Variants in GMNN observed in about 807,000 individuals in gnomAD.
GMNN encodes geminin DNA replication inhibitor, also known as geminin.
A neutral mutation model predicts 20.9 loss-of-function variants in GMNN; 14 were observed. That is an observed-to-expected ratio of 0.67 (90% CI 0.44 to 1.05). The LOEUF (loss-of-function observed/expected upper bound fraction) is 1.05. Among genes scored for constraint, GMNN ranks in the 50% least tolerant of loss-of-function variants. The pLI, the probability that GMNN is intolerant of heterozygous loss-of-function variation, is 0.00. For synonymous variants in GMNN, 81 were observed against 85.8 expected, an observed-to-expected ratio of 0.94 and a Z score of 0.31; for missense variants, 227 against 243.8, an observed-to-expected ratio of 0.93 and a Z score of 0.46.
Position 24,780,586 on chromosome 6 carries a change from C to T in GMNN, c.52-77C>T, listed in dbSNP as rs565001263. On this transcript the variant is annotated intron_variant, in intron 2 of 6. Coordinates refer to ENST00000230056, the MANE Select transcript of GMNN (RefSeq NM_015895.5). ...AATTATAGAAGGACTAAGAGTAACA[C>T]TCCATACAGAAACTCAGTAACTAAA... 271 of 814,916 alleles carry T rather than the reference C, an allele frequency of 3.3e-4. No homozygotes were observed. The African/African-American group carries it at 4.2e-3, about 13-fold the overall frequency. The allele number at this position is 814,916 out of a possible 1,614,324, so 50.5% of individuals were successfully genotyped here. A position where few individuals can be genotyped will look rare whatever the true frequency, so the allele number is the denominator to read the frequency against.
intron 5 of GMNN, 126 bp downstream of exon 5, chr6:24,784,295 C>G (rs1226294122): frequency 1.5e-6 from 1 of 682,914 alleles, no homozygotes; most frequent in Non-Finnish European, 2.6e-6. Context: ...AGTAAAAAGG[C>G]AGCTCTTGAC....
rs1260304852 is a variant in GMNN at position 24,780,752 on chromosome 6, A to G, written c.129+12A>G. 3.9e-6 allele frequency: 5 copies of G among 1,277,884 alleles called. No individual in the cohort carries two copies. The Admixed American group carries it at 5.0e-5, about 13-fold the overall frequency. 79.2% of individuals were successfully genotyped at this position (1,277,884 alleles called of 1,614,324 possible). On this transcript the variant is annotated intron_variant, in intron 3 of 6. Coordinates refer to ENST00000230056, the MANE Select transcript of GMNN (RefSeq NM_015895.5). ...GAAGAGAAAATGAGGTATGCACTAT[A>G]TGGCTAAAATGGGGTACTGGTGATA...
Position 24,785,878 on chromosome 6 carries a change from T to C in GMNN, c.*79T>C, listed in dbSNP as rs1022339188. The C allele has an allele frequency of 1.2e-5, 10 of 805,384 alleles. No individual in the cohort carries two copies. The highest frequency in any genetic ancestry group is 2.0e-5 in the Non-Finnish European group (10 of 499,090). The allele number at this position is 805,384 out of a possible 1,614,324, so 49.9% of individuals were successfully genotyped here. ...AGTTCTTTGTAGCAGAGTACATAAC[T>C]ACATAATGCCAACTCTGGAATCAAA... On this transcript the variant is annotated 3_prime_UTR_variant, in exon 7 of 7. Transcript: ENST00000230056.
intron 2 of GMNN, among the ~76,000 whole-genome samples, chr6:24,778,283 T>C (rs966806892): frequency 1.3e-5 from 2 of 152,078 alleles, no homozygotes; most frequent in African/African-American, 2.4e-5. Context: ...AGTAGGAGGA[T>C]TGATTGAGCT....
At position 24,785,804 on chromosome 6, in the gene GMNN, C is replaced by A. The variant is rs1277704414; in HGVS notation, c.*5C>A. ...GATGCAAAGCCATGTATATGAAATG[C>A]ATTAATATTTGACTGTTGAGAATTT... On this transcript the variant is annotated 3_prime_UTR_variant, in exon 7 of 7. Transcript: ENST00000230056. The A allele has an allele frequency of 4.5e-6, 7 of 1,549,106 alleles. No individual in the cohort carries two copies. Among genetic ancestry groups the A allele is most frequent in the Non-Finnish European group, 6.1e-6 (7 of 1,139,610 alleles).
intron 4 of GMNN, among the ~76,000 whole-genome samples, chr6:24,782,584 T>A (rs73396418): frequency 0.024 from 3,690 of 152,272 alleles, 171 homozygotes; most frequent in African/African-American, 0.082. Flanking sequence ...AAAGGTTGAC[T>A]GGATAGAAAT....
rs1264578046 is a variant in GMNN, at chr6:24,783,547, A to T, written c.275-540A>T. Among the ~76,000 whole-genome samples, 6 of 152,174 alleles carry T rather than the reference A, an allele frequency of 3.9e-5. 1 individual carries two copies. The highest frequency in any genetic ancestry group is 3.9e-4 in the Admixed American group (6 of 15,280). On this transcript the variant is annotated intron_variant, in intron 4 of 6. Coordinates refer to ENST00000230056, the MANE Select transcript of GMNN (RefSeq NM_015895.5). ...TAGTTAATTACTAAGGGAAAAAGTT[A>T]TCTTTACAAGGCAGAAATCTGATAG...
At chr6:24,783,971 T>G in intron 4 of GMNN, 116 bp from the exon 5 acceptor site, 1 of 465,576 alleles carries the variant, frequency 2.1e-6, no homozygotes, top group Non-Finnish European at 4.0e-6. Context: ...TTTAATCTTT[T>G]AAAAATGAGT....
chr6:24,785,006 T>C (rs1422540170), intron 6 of GMNN, among the ~76,000 whole-genome samples: 1 of 152,204 alleles, frequency 6.6e-6, no homozygotes, highest in Non-Finnish European at 1.5e-5. Flanking sequence ...ATTACTGTCA[T>C]TTATAAAATT....
At chr6:24,775,977 G>A (rs184758773) in intron 1 of GMNN, among the ~76,000 whole-genome samples, 1 of 152,272 alleles carries the variant, frequency 6.6e-6, no homozygotes, top group Admixed American at 6.5e-5. Flanking sequence ...CACGGCCCGC[G>A]ACCCGCAGTT....
chr6:24,776,625 A>G (rs1581424656), intron 1 of GMNN, among the ~76,000 whole-genome samples: 1 of 152,224 alleles, frequency 6.6e-6, no homozygotes, highest in East Asian at 1.9e-4. Flanking sequence ...GGCAGTGGGC[A>G]GTGGAGCAGC....
intron 1 of GMNN, chr6:24,776,726 T>C (rs896373123): frequency 1.4e-4 from 21 of 152,306 alleles, no homozygotes; most frequent in Non-Finnish European, 8.8e-5. Context: ...TTGTTAGTCC[T>C]TCAGTTCATG....
At chr6:24,781,645 G>A (rs1253742001) in intron 4 of GMNN, 24 bp downstream of exon 4, 2 of 1,219,946 alleles carry the variant, frequency 1.6e-6, no homozygotes, top group African/African-American at 1.6e-5. Context: ...GATAACTTTT[G>A]TCTTAATTTT....
chr6:24,780,135 G>C (rs1035965232), intron 2 of GMNN, among the ~76,000 whole-genome samples: 1 of 152,142 alleles, frequency 6.6e-6, no homozygotes, highest in Non-Finnish European at 1.5e-5. Flanking sequence ...CAGTTTACCT[G>C]TTTGGTGAGT....
chr6:24,780,002 T>TA (rs1484106859), intron 2 of GMNN, among the ~76,000 whole-genome samples: 1 of 152,202 alleles, frequency 6.6e-6, no homozygotes, highest in Non-Finnish European at 1.5e-5. Context: ...TCTGGAAAGT[T>TA]ACATTCTTTT....
chr6:24,777,379 C>A, intron 2 of GMNN, 82 bp downstream of exon 2: 1 of 545,254 alleles, frequency 1.8e-6, no homozygotes, highest in Admixed American at 3.8e-5. Context: ...CCAAATTTAG[C>A]CTGGCTATAA....
chr6:24,781,248 C>T (rs1780209467), intron 3 of GMNN, among the ~76,000 whole-genome samples: 1 of 150,352 alleles, frequency 6.7e-6, no homozygotes, highest in African/African-American at 2.5e-5. Flanking sequence ...TAAATAATTT[C>T]AGCTAAGCTC....
intron 5 of GMNN, 60 bp downstream of exon 5, chr6:24,784,229 G>A: frequency 1.1e-6 from 1 of 926,844 alleles, no homozygotes; most frequent in Non-Finnish European, 1.8e-6. Flanking sequence ...TTGCTGCTTA[G>A]CATATTTTAT....
At chr6:24,782,293 G>T (rs1030623405) in intron 4 of GMNN, among the ~76,000 whole-genome samples, 4 of 152,138 alleles carry the variant, frequency 2.6e-5, no homozygotes, top group African/African-American at 7.2e-5. Context: ...GAAGAGTAAA[G>T]ATGAATGAGA....
Sources: gnomAD v4.1 joint callset for allele counts (sites outside exome capture counted in the v4.1 genomes callset) on GRCh38, gnomAD v4.1.1 for gene constraint, MANE v1.5 for transcripts, NCBI Gene and HGNC (gene_info 2026-07-23, HGNC 2026-07-21) for gene names.